The following CSMD3 variants were observed in gnomAD, a reference collection of about 807,000 sequenced individuals.
CSMD3 encodes the protein CUB and Sushi multiple domains 3.
In CSMD3, 177 loss-of-function variants were observed where a neutral mutation model predicts 435.2. The ratio of observed to expected loss-of-function variants is 0.41; its 90% CI spans 0.36 to 0.46. The LOEUF is 0.46. CSMD3 is among the 20% of genes least tolerant of loss of function. The pLI is 0.34. For synonymous variants in CSMD3, 1,656 were observed against 1,520.5 expected (o/e 1.09, Z -2.07); for missense variants, 4,265 against 4,504.6 (o/e 0.95, Z 1.52).
Position 112,314,527 on chromosome 8 carries a change from C to T in CSMD3, c.7451G>A (p.Cys2484Tyr), listed in dbSNP as rs2130837228. ...CTTTTCCACTGAAATGCTCCATGCA[C>T]ACATTTGAAGATTTGGGTAACTGTC... ...YPDSYPNLQM[C>Y]AWSISVEKGY... Residue 2484 changes from cysteine (C) to tyrosine (Y), a missense_variant, in exon 48 of 71, where the codon TGT becomes TAT. Physicochemically the swap from Cys to Tyr is radical, Grantham distance 194. This residue lies in a region of CSMD3 where 3,255 missense variants were observed against 3,380.2 expected (regional missense o/e 0.96). Transcript: ENST00000297405. 1.2e-6 allele frequency: 2 copies of T among 1,611,480 alleles called. No individual in the cohort carries two copies. Among genetic ancestry groups the T allele is most frequent in the Non-Finnish European group, 8.5e-7 (1 of 1,177,770 alleles).
intron 31 of CSMD3, among the ~76,000 whole-genome samples, chr8:112,483,588 C>G (rs1187193563): frequency 6.6e-6 from 1 of 152,084 alleles, no homozygotes; most frequent in East Asian, 1.9e-4. Context: ...TGAACTGGAA[C>G]AGGAAGTGTC....
chr8:112,316,306 A>G (rs1041035309), intron 47 of CSMD3, among the ~76,000 whole-genome samples: 1 of 151,786 alleles, frequency 6.6e-6, no homozygotes, highest in Non-Finnish European at 1.5e-5. Flanking sequence ...TATTGCATAA[A>G]TGGTATCAGG....
At chr8:112,863,391 T>C (rs943578344) in intron 10 of CSMD3, among the ~76,000 whole-genome samples, 2 of 151,870 alleles carry the variant, frequency 1.3e-5, no homozygotes, top group African/African-American at 4.8e-5. Flanking sequence ...TAGTAAATTC[T>C]ATATTATTCG....
chr8:112,403,802 C>T (rs1385990894), intron 35 of CSMD3, among the ~76,000 whole-genome samples: 5 of 151,786 alleles, frequency 3.3e-5, no homozygotes, highest in South Asian at 2.1e-4. Flanking sequence ...AATATTCAGA[C>T]GATAGGATTG....
intron 4 of CSMD3, among the ~76,000 whole-genome samples, chr8:113,151,894 T>G (rs2091815203): frequency 6.6e-6 from 1 of 152,044 alleles, no homozygotes. Flanking sequence ...GCATTACTGG[T>G]GGAAATATAA....
intron 13 of CSMD3, among the ~76,000 whole-genome samples, chr8:112,708,046 C>T (rs1336315164): frequency 1.3e-5 from 2 of 151,908 alleles, no homozygotes; most frequent in Non-Finnish European, 2.9e-5. Context: ...AAATGTAAGG[C>T]AATGTGACAC....
chr8:112,873,943 C>T (rs937402071), intron 10 of CSMD3, among the ~76,000 whole-genome samples: 6 of 152,056 alleles, frequency 3.9e-5, no homozygotes, highest in African/African-American at 1.2e-4. Flanking sequence ...TATTTCTTGT[C>T]GTCTGCTAGT....
At chr8:112,709,453 AGAT>A in intron 13 of CSMD3, among the ~76,000 whole-genome samples, 1 of 152,160 alleles carries the variant, frequency 6.6e-6, no homozygotes, top group East Asian at 2.0e-4. Context: ...GGAAGAATAG[AGAT>A]GTGATTAACA....
intron 11 of CSMD3, among the ~76,000 whole-genome samples, chr8:112,855,719 CAG>C (rs2080635029): frequency 6.6e-6 from 1 of 151,158 alleles, no homozygotes; most frequent in East Asian, 1.9e-4. Flanking sequence ...ATGATAGAGA[CAG>C]AGATGCATAG....
chr8:112,699,438 G>A (rs2076336623), intron 13 of CSMD3, among the ~76,000 whole-genome samples: 1 of 152,042 alleles, frequency 6.6e-6, no homozygotes, highest in African/African-American at 2.4e-5. Flanking sequence ...GAACACAGAG[G>A]GACAGTTAAT....
rs529153312 is a variant in CSMD3, at chr8:112,444,332, T to G, written c.5395+28259A>C. ...TGAAGTTTAACATACACCTTCCCTG[T>G]GACCCAGCAATTTCATTCGTAGGTA... is the stretch of plus-strand genomic sequence containing the variant. On this transcript the variant is annotated intron_variant, in intron 32 of 70. Coordinates refer to ENST00000297405, the MANE Select transcript of CSMD3 (RefSeq NM_198123.2). 1.3e-4 allele frequency among the ~76,000 whole-genome samples: 20 copies of G among 152,328 alleles called. 1 individual carries two copies. In the South Asian group the frequency reaches 4.1e-3, roughly 32 times the overall value.
At chr8:112,949,393 C>T (rs2083728159) in intron 8 of CSMD3, among the ~76,000 whole-genome samples, 1 of 152,016 alleles carries the variant, frequency 6.6e-6, no homozygotes, top group African/African-American at 2.4e-5. Context: ...GCTATACAAT[C>T]TCTCTTTACC....
chr8:112,698,535 T>C (rs886795513), intron 13 of CSMD3, among the ~76,000 whole-genome samples: 15 of 152,026 alleles, frequency 9.9e-5, no homozygotes, highest in African/African-American at 3.4e-4. Flanking sequence ...AGGAAAAAGA[T>C]AAGATGAAAC....
intron 2 of CSMD3, among the ~76,000 whole-genome samples, chr8:113,301,829 C>T (rs1293502398): frequency 6.6e-6 from 1 of 151,836 alleles, no homozygotes; most frequent in Non-Finnish European, 1.5e-5. Context: ...GGAAAAGTCC[C>T]CTTTTTACAT....
chr8:112,607,526 C>T (rs949256214), intron 22 of CSMD3, among the ~76,000 whole-genome samples: 1 of 151,880 alleles, frequency 6.6e-6, no homozygotes, highest in Non-Finnish European at 1.5e-5. Flanking sequence ...CAAGATACTA[C>T]CAAAAAAATT....
chr8:113,229,762 G>A (rs2093064776), intron 3 of CSMD3, among the ~76,000 whole-genome samples: 1 of 151,574 alleles, frequency 6.6e-6, no homozygotes, highest in Admixed American at 6.6e-5. Context: ...GTTCTGAAAT[G>A]ACACCACCCA....
intron 9 of CSMD3, among the ~76,000 whole-genome samples, chr8:112,947,214 A>C (rs1424145325): frequency 6.6e-6 from 1 of 151,672 alleles, no homozygotes; most frequent in Non-Finnish European, 1.5e-5. Flanking sequence ...TAGTTATGTA[A>C]ATTAATGGCT....
chr8:112,986,218 T>C (rs868735011), intron 6 of CSMD3, among the ~76,000 whole-genome samples: 1 of 152,308 alleles, frequency 6.6e-6, no homozygotes, highest in African/African-American at 2.4e-5. Flanking sequence ...CTATATCCTG[T>C]ATAAAAATGT....
chr8:112,622,558 G>C (rs1834159915), intron 22 of CSMD3, among the ~76,000 whole-genome samples: 1 of 152,086 alleles, frequency 6.6e-6, no homozygotes, highest in Non-Finnish European at 1.5e-5. Flanking sequence ...AATGATGAAT[G>C]TTGTGTTTTC....
Sources: allele counts gnomAD v4.1 joint callset (sites outside exome capture counted in the v4.1 genomes callset), GRCh38; gene constraint gnomAD v4.1.1; regional missense constraint gnomAD v4.1.1; transcripts MANE v1.5; gene names NCBI Gene and HGNC (gene_info 2026-07-23, HGNC 2026-07-21).